Variants in EPSTI1 observed in about 807,000 individuals in gnomAD.
The protein encoded by EPSTI1 is epithelial stromal interaction 1.
EPSTI1 carries 66 observed loss-of-function variants against 49.9 expected under a neutral mutation model. The observed-to-expected ratio is 1.32, with a 90% CI of 1.08 to 1.62. The LOEUF (loss-of-function observed/expected upper bound fraction) is 1.62. EPSTI1 is among the 40% of genes most tolerant of loss of function. The pLI, the probability that EPSTI1 is intolerant of heterozygous loss-of-function variation, is 0.00. For synonymous variants in EPSTI1, 137 were observed against 130.7 expected, an observed-to-expected ratio of 1.05 and a Z score of -0.33; for missense variants, 394 against 365.5, an observed-to-expected ratio of 1.08 and a Z score of -0.64.
intron 7 of EPSTI1, among the ~76,000 whole-genome samples, chr13:42,921,821 C>T (rs1336920443): frequency 6.6e-6 from 1 of 151,684 alleles, no homozygotes; most frequent in Non-Finnish European, 1.5e-5. Flanking sequence ...TTACAAACAC[C>T]CAGGACAGGT....
At chr13:42,927,615 A>G (rs559119020) in intron 6 of EPSTI1, among the ~76,000 whole-genome samples, 1 of 152,376 alleles carries the variant, frequency 6.6e-6, no homozygotes, top group East Asian at 1.9e-4. Context: ...AACAGGTGCC[A>G]GCATCACTTC....
chr13:42,962,477 T>C (rs531759395), intron 5 of EPSTI1, among the ~76,000 whole-genome samples: 150 of 152,188 alleles, frequency 9.9e-4, no homozygotes, highest in Non-Finnish European at 1.7e-3. Context: ...AGACAATGTT[T>C]AAACAGTTTA....
chr13:42,941,350 A>T (rs1189545824), intron 6 of EPSTI1, among the ~76,000 whole-genome samples: 3 of 152,240 alleles, frequency 2.0e-5, no homozygotes, highest in Non-Finnish European at 4.4e-5. Context: ...TGCCAATAAC[A>T]GTTTGTTATT....
intron 9 of EPSTI1, among the ~76,000 whole-genome samples, chr13:42,897,098 T>A (rs1248231089): frequency 1.3e-5 from 1 of 78,230 alleles, no homozygotes; most frequent in African/African-American, 5.3e-5. Context: ...AAACTCTGTC[T>A]CAAAAAAAAA....
chr13:42,917,426 G>T, intron 8 of EPSTI1, 115 bp downstream of exon 8: 2 of 924,480 alleles, frequency 2.2e-6, no homozygotes, highest in Non-Finnish European at 3.4e-6. Flanking sequence ...TTCAATGCTT[G>T]TATTCTTGTT....
At chr13:42,953,077 C>T (rs2153428600) in intron 6 of EPSTI1, among the ~76,000 whole-genome samples, 1 of 152,112 alleles carries the variant, frequency 6.6e-6, no homozygotes, top group Admixed American at 6.5e-5. Flanking sequence ...TCTGGTGGGA[C>T]CAGAAATTTG....
At position 42,887,428 on chromosome 13, in the gene EPSTI1, G is replaced by A. The variant is rs957592892; in HGVS notation, c.*1066C>T. The A allele has an allele frequency of 6.6e-6, 1 of 152,326 alleles. No individual in the cohort carries two copies. Among genetic ancestry groups the A allele is most frequent in the East Asian group, 1.9e-4 (1 of 5,180 alleles). The allele number at this position is 152,326 out of a possible 1,614,324, so 9.4% of individuals were successfully genotyped here. On this transcript the variant is annotated 3_prime_UTR_variant, in exon 11 of 11. Transcript: ENST00000313624. ...GAAAGTTCATTTCAACAGAGTGACT[G>A]GTAACACAGAAGATCTCTTAATGCT...
intron 7 of EPSTI1, 34 bp from the exon 8 acceptor site, chr13:42,917,658 A>AAAAAAAAAAC: frequency 7.1e-7 from 1 of 1,401,380 alleles, no homozygotes; most frequent in East Asian, 2.5e-5. Flanking sequence ...AAAAAAAAAA[A>AAAAAAAAAAC]ACAACTTGAT....
rs576896781 is a variant in EPSTI1, at chr13:42,889,215, G to C, written c.916-713C>G. On this transcript the variant is annotated intron_variant, in intron 10 of 10. Transcript: ENST00000313624. ...GGATGTTTTTAAGTGACCCACCTTA[G>C]GTGCCTCGAAAAAACTAATAGAGAA... is the stretch of plus-strand genomic sequence containing the variant. The C allele has an allele frequency of 3.8e-6, 6 of 1,569,584 alleles. No homozygotes were observed. In the African/African-American group the frequency reaches 6.9e-5, roughly 18 times the overall value.
chr13:42,923,611 C>CCATTTCATATTTGACTAGAAAT (rs1428957500), intron 7 of EPSTI1, among the ~76,000 whole-genome samples: 1 of 152,138 alleles, frequency 6.6e-6, no homozygotes, highest in Non-Finnish European at 1.5e-5. Flanking sequence ...AGACTAGAAA[C>CCATTTCATATTTGACTAGAAAT]CATTTCATAT....
intron 6 of EPSTI1, among the ~76,000 whole-genome samples, chr13:42,937,998 G>C (rs941480918): frequency 6.6e-6 from 1 of 152,154 alleles, no homozygotes; most frequent in African/African-American, 2.4e-5. Context: ...CTGCAGAATG[G>C]AGACTGCGTT....
At chr13:42,911,922 T>C (rs1394640891) in intron 8 of EPSTI1, among the ~76,000 whole-genome samples, 2 of 152,214 alleles carry the variant, frequency 1.3e-5, no homozygotes, top group Admixed American at 1.3e-4. Flanking sequence ...AATGTTGTAA[T>C]TTTGAGTACA....
intron 8 of EPSTI1, among the ~76,000 whole-genome samples, chr13:42,904,269 A>G (rs1037554716): frequency 3.3e-5 from 5 of 152,208 alleles, no homozygotes; most frequent in African/African-American, 1.2e-4. Context: ...TAAGGAAAAA[A>G]CAACCAAAAA....
At chr13:42,944,599 C>G (rs181869243) in intron 6 of EPSTI1, among the ~76,000 whole-genome samples, 3 of 152,076 alleles carry the variant, frequency 2.0e-5, no homozygotes, top group African/African-American at 7.2e-5. Context: ...AGCAAACCAC[C>G]GTGGCACGTG....
chr13:42,985,598 CA>C (rs2040063458), intron 1 of EPSTI1, among the ~76,000 whole-genome samples: 1 of 152,168 alleles, frequency 6.6e-6, no homozygotes, highest in Admixed American at 6.5e-5. Flanking sequence ...CAGTGTTATA[CA>C]GTTCTGAGAA....
intron 7 of EPSTI1, among the ~76,000 whole-genome samples, chr13:42,918,451 CA>C (rs2153418588): frequency 6.6e-6 from 1 of 152,314 alleles, no homozygotes; most frequent in African/African-American, 2.4e-5. Flanking sequence ...TTCATGGCAG[CA>C]GGTTACATAT....
chr13:42,912,582 GA>G (rs574201336), intron 8 of EPSTI1, among the ~76,000 whole-genome samples: 3 of 151,632 alleles, frequency 2.0e-5, no homozygotes, highest in Non-Finnish European at 4.4e-5. Context: ...AAAATGGAAA[GA>G]AAAAAACAGT....
chr13:42,911,488 A>C (rs2037684761), intron 8 of EPSTI1, among the ~76,000 whole-genome samples: 1 of 152,208 alleles, frequency 6.6e-6, no homozygotes, highest in Admixed American at 6.5e-5. Flanking sequence ...ATTCTCAGAA[A>C]ACTTCAGAAA....
At chr13:42,888,633 C>G in intron 10 of EPSTI1, 131 bp from the exon 11 acceptor site, 1 of 897,960 alleles carries the variant, frequency 1.1e-6, no homozygotes, top group Non-Finnish European at 1.7e-6. Flanking sequence ...TTAAAATTAA[C>G]AACTTAAATG....
Sources: gnomAD v4.1 joint callset for allele counts (sites outside exome capture counted in the v4.1 genomes callset) on GRCh38, gnomAD v4.1.1 for gene constraint, MANE v1.5 for transcripts, NCBI Gene and HGNC (gene_info 2026-07-23, HGNC 2026-07-21) for gene names.